ANKS3: variants seen among roughly 807,000 people sequenced by gnomAD.
ANKS3 encodes the protein ankyrin repeat and SAM domain-containing protein 3.
Under a neutral mutation model 80.7 loss-of-function variants are expected in ANKS3, and 62 were observed. The observed-to-expected ratio is 0.77, with a 90% CI of 0.63 to 0.95. The LOEUF is 0.95. Among genes scored for constraint, ANKS3 ranks in the 40% least tolerant of loss-of-function variants. The pLI is 0.00. For missense variants in ANKS3, 1,150 were observed against 883.6 expected (o/e 1.30, Z -3.82); for synonymous variants, 489 against 355.3 (o/e 1.38, Z -4.23).
chr16:4,714,299 G>A, intron 6 of ANKS3, 113 bp from the exon 7 acceptor site: 1 of 1,447,084 alleles, frequency 6.9e-7, no homozygotes, highest in African/African-American at 1.4e-5. Context: ...CTGCCTCCCT[G>A]TGTGGGAAAC....
chr16:4,698,360 G>C (rs1218061079), intron 14 of ANKS3, 67 bp downstream of exon 14: 3 of 1,432,034 alleles, frequency 2.1e-6, no homozygotes, highest in African/African-American at 2.9e-5. Flanking sequence ...GAAAGGATGT[G>C]TGGGGGCCCA....
intron 6 of ANKS3, among the ~76,000 whole-genome samples, chr16:4,719,550 T>C (rs1489061648): frequency 1.3e-5 from 2 of 149,290 alleles, no homozygotes; most frequent in Admixed American, 6.7e-5. Context: ...GGTCTGTAAC[T>C]CCAGCACTTT....
chr16:4,724,671 C>T, intron 6 of ANKS3, 79 bp downstream of exon 6: 2 of 1,361,372 alleles, frequency 1.5e-6, no homozygotes, highest in East Asian at 2.3e-5. Flanking sequence ...AAGGAAAATT[C>T]TGTAATAGCT....
At position 4,701,367 on chromosome 16, in the gene ANKS3, A is replaced by C. The variant is rs969383365; in HGVS notation, c.1119+67T>G. 5.5e-6 allele frequency: 8 copies of C among 1,448,028 alleles called. No individual in the cohort carries two copies. The African/African-American group carries it at 1.1e-4, about 21-fold the overall frequency. 89.7% of individuals were successfully genotyped at this position (1,448,028 alleles called of 1,614,324 possible). On this transcript the variant is annotated intron_variant, in intron 10 of 17. Coordinates refer to ENST00000304283, the MANE Select transcript of ANKS3 (RefSeq NM_133450.4). ...TTACATACATGCTCATCTTAAAGTA[A>C]CTGGGGGATGTCAGGCATCCCAGCC...
Position 4,697,018 on chromosome 16 carries a change from G to C in ANKS3, c.*10C>G. The stretch of plus-strand genomic sequence containing the variant: ...GGATCCAGGCTGGCAGACACTCACC[G>C]GCCCGCAGGCTAGGTCTCCCGCCAC... On this transcript the variant is annotated splice_region_variant and 3_prime_UTR_variant, in exon 17 of 18. Transcript: ENST00000304283. 3 of 1,611,654 alleles carry C rather than the reference G, an allele frequency of 1.9e-6. No individual in the cohort carries two copies. The highest frequency in any genetic ancestry group is 1.7e-5 in the Admixed American group (1 of 59,832).
At position 4,697,983 on chromosome 16, in the gene ANKS3, G is replaced by T; in HGVS notation, c.1804C>A (p.Pro602Thr). 6.3e-7 allele frequency: 1 copy of T among 1,593,398 alleles called. No homozygotes were observed. The highest frequency in any genetic ancestry group is 8.5e-7 in the Non-Finnish European group (1 of 1,171,054). Residue 602 changes from proline (P) to threonine (T), a missense_variant, in exon 15 of 18, where the codon CCA becomes ACA. Physicochemically the swap from Pro to Thr is conservative, Grantham distance 38. Coordinates refer to ENST00000304283, the MANE Select transcript of ANKS3 (RefSeq NM_133450.4). ...GAATLGLAVP[P>T]ADSKGWQASL... ...GTCAGGCCACTGCTCTTACCAGCTG[G>T]GGGGACGGCTAGGCCCAGAGTGGCT...
chr16:4,723,676 T>A (rs913784777), intron 6 of ANKS3, among the ~76,000 whole-genome samples: 1 of 152,240 alleles, frequency 6.6e-6, no homozygotes, highest in Non-Finnish European at 1.5e-5. Flanking sequence ...GCTATACAGA[T>A]ATATATTTTG....
At position 4,698,728 on chromosome 16, in the gene ANKS3, A is replaced by G; in HGVS notation, c.1551+72T>C. On this transcript the variant is annotated intron_variant, in intron 13 of 17. Coordinates refer to ENST00000304283, the MANE Select transcript of ANKS3 (RefSeq NM_133450.4). ...CACCTGACCCCTCCACACAGCACCC[A>G]CCTTTTCTGTCAGAGATGGAGCCAA... The G allele has an allele frequency of 3.9e-6, 6 of 1,551,512 alleles. No individual in the cohort carries two copies. In the Middle Eastern group the frequency reaches 9.3e-4, roughly 241 times the overall value.
rs760013486 is a variant in ANKS3, at chr16:4,699,110, C to T, written c.1351G>A (p.Val451Met). 5.6e-6 allele frequency: 9 copies of T among 1,614,036 alleles called. No individual in the cohort carries two copies. Among genetic ancestry groups the T allele is most frequent in the African/African-American group, 2.7e-5 (2 of 74,940 alleles). Residue 451 changes from valine (V) to methionine (M), a missense_variant, in exon 12 of 18, where the codon GTG becomes ATG. By Grantham distance (21) the Val-to-Met change is conservative. Transcript: ENST00000304283. ...AGGGTCAGAAAGATGCGGAGGTCCACGTCCTGCTCCTCAAACACCTGCAGG... is the reference window on the plus strand; with the variant it reads ...AGGGTCAGAAAGATGCGGAGGTCCATGTCCTGCTCCTCAAACACCTGCAGG... ...KYLQVFEEQDVDLRIFLTLTE... is the reference protein window; with the variant it reads ...KYLQVFEEQDMDLRIFLTLTE...
intron 5 of ANKS3, 107 bp downstream of exon 5, chr16:4,726,552 C>T (rs1490501782): frequency 7.2e-6 from 9 of 1,252,848 alleles, no homozygotes; most frequent in Middle Eastern, 1.9e-4. Context: ...CCTCTCGTGC[C>T]GAAGCAGGGT....
intron 4 of ANKS3, 36 bp from the exon 5 acceptor site, chr16:4,726,816 T>A (rs2081377213): frequency 1.2e-6 from 2 of 1,606,180 alleles, no homozygotes; most frequent in Non-Finnish European, 1.7e-6. Context: ...TACGGCCTCA[T>A]CTCCTCTGCG....
intron 2 of ANKS3, among the ~76,000 whole-genome samples, chr16:4,730,914 C>G (rs938596382): frequency 6.6e-6 from 1 of 151,930 alleles, no homozygotes; most frequent in Non-Finnish European, 1.5e-5. Flanking sequence ...AACTCCAATC[C>G]CTAGTGCCTC....
At chr16:4,726,263 A>C (rs974872115) in intron 5 of ANKS3, among the ~76,000 whole-genome samples, 2 of 152,226 alleles carry the variant, frequency 1.3e-5, no homozygotes, top group African/African-American at 2.4e-5. Context: ...GGCGTGAGCC[A>C]CCACGCCCGG....
In ANKS3 at chr16:4,732,534, T is replaced by C. The variant is rs1157091071; in HGVS notation, c.-70-955A>G. On this transcript the variant is annotated intron_variant, in intron 1 of 17. Coordinates refer to ENST00000304283, the MANE Select transcript of ANKS3 (RefSeq NM_133450.4). ...CCCATCTTTACTAAAATTACAAAAA[T>C]TAGCTGGGTGTGGTGGTGGGCGCCT... Among the ~76,000 whole-genome samples, 3 of 151,902 alleles carry C rather than the reference T, an allele frequency of 2.0e-5. No individual in the cohort carries two copies. In the East Asian group the frequency reaches 5.8e-4, roughly 29 times the overall value.
chr16:4,714,631 C>T (rs939690741), intron 6 of ANKS3, among the ~76,000 whole-genome samples: 5 of 152,194 alleles, frequency 3.3e-5, no homozygotes, highest in Non-Finnish European at 5.9e-5. Context: ...GGTCTTGCAG[C>T]GCAACAATTC....
intron 6 of ANKS3, among the ~76,000 whole-genome samples, chr16:4,724,200 A>T (rs1206581091): frequency 3.3e-5 from 5 of 152,262 alleles, no homozygotes; most frequent in African/African-American, 4.8e-5. Context: ...TACTAATAAG[A>T]AACTCATTAA....
intron 11 of ANKS3, chr16:4,700,414 C>T (rs1039028557): frequency 3.8e-5 from 8 of 208,870 alleles, no homozygotes; most frequent in Non-Finnish European, 7.9e-5. Context: ...GAGACTCCGT[C>T]TCGAACAAAC....
At position 4,726,783 on chromosome 16, in the gene ANKS3, T is replaced by G. The variant is rs369632716; in HGVS notation, c.370-3A>C. 3.1e-6 allele frequency: 5 copies of G among 1,612,134 alleles called. No homozygotes were observed. Among genetic ancestry groups the G allele is most frequent in the Non-Finnish European group, 3.4e-6 (4 of 1,178,400 alleles). On this transcript the variant is annotated splice_polypyrimidine_tract_variant and splice_region_variant and intron_variant, in intron 4 of 17. Coordinates refer to ENST00000304283, the MANE Select transcript of ANKS3 (RefSeq NM_133450.4). ...TTCATTTCTAGCTCTGCACCTTGCT[T>G]CAAGAGAACACAGAACGTGCGTTAC...
intron 5 of ANKS3, among the ~76,000 whole-genome samples, chr16:4,725,980 G>T (rs368528928): frequency 4.4e-5 from 6 of 137,184 alleles, no homozygotes; most frequent in East Asian, 2.2e-4. Flanking sequence ...TGTTGTTTTT[G>T]TTTTTTTTTT....
Sources: gnomAD v4.1 joint callset for allele counts (sites outside exome capture counted in the v4.1 genomes callset) on GRCh38, gnomAD v4.1.1 for gene constraint, MANE v1.5 for transcripts, NCBI Gene and HGNC (gene_info 2026-07-23, HGNC 2026-07-21) for gene names.